KLHL1: variants seen among roughly 807,000 people sequenced by gnomAD.
KLHL1 encodes kelch like family member 1, also known as kelch-like protein 1.
KLHL1 carries 47 observed loss-of-function variants against 77.7 expected under a neutral mutation model. That is an observed-to-expected ratio of 0.60 (90% CI 0.48 to 0.77). The LOEUF is 0.77. KLHL1 is among the 30% of genes least tolerant of loss of function. KLHL1 has a pLI of 0.00. For missense variants in KLHL1, 925 were observed against 910.8 expected (o/e 1.02, Z -0.20); for synonymous variants, 360 against 325.2 (o/e 1.11, Z -1.15).
At chr13:69,917,102 A>G (rs916844834) in intron 4 of KLHL1, among the ~76,000 whole-genome samples, 8 of 152,042 alleles carry the variant, frequency 5.3e-5, no homozygotes, top group African/African-American at 1.9e-4. Flanking sequence ...ATGCATATAC[A>G]CACAGATTTG....
At chr13:69,842,467 A>C (rs1676016970) in intron 5 of KLHL1, among the ~76,000 whole-genome samples, 1 of 151,916 alleles carries the variant, frequency 6.6e-6, no homozygotes, top group African/African-American at 2.4e-5. Flanking sequence ...ATCATCAGAG[A>C]AATATAAATC....
intron 4 of KLHL1, among the ~76,000 whole-genome samples, chr13:69,909,017 C>A (rs561367809): frequency 6.7e-6 from 1 of 149,314 alleles, no homozygotes; most frequent in African/African-American, 2.4e-5. Flanking sequence ...ATGGCTTCAT[C>A]TAAATTAAAA....
At chr13:69,879,137 T>C (rs1880883748) in intron 5 of KLHL1, among the ~76,000 whole-genome samples, 1 of 152,124 alleles carries the variant, frequency 6.6e-6, no homozygotes, top group Non-Finnish European at 1.5e-5. Flanking sequence ...CACGCCAACA[T>C]GGCACATGTA....
intron 8 of KLHL1, among the ~76,000 whole-genome samples, chr13:69,739,117 A>G (rs1873880817): frequency 6.6e-6 from 1 of 152,162 alleles, no homozygotes; most frequent in Admixed American, 6.6e-5. Context: ...TAAAGACAAT[A>G]ATTTCCAACC....
chr13:69,875,857 T>C (rs184581525), intron 5 of KLHL1, among the ~76,000 whole-genome samples: 191 of 152,248 alleles, frequency 1.3e-3, no homozygotes, highest in African/African-American at 4.3e-3. Context: ...CCTATTCTTT[T>C]TTTTTTCTTA....
chr13:70,054,533 T>C (rs1001893198), intron 1 of KLHL1, among the ~76,000 whole-genome samples: 1 of 152,096 alleles, frequency 6.6e-6, no homozygotes, highest in Non-Finnish European at 1.5e-5. Context: ...ACAAATAATA[T>C]TGTCATGAAC....
intron 1 of KLHL1, among the ~76,000 whole-genome samples, chr13:70,105,063 C>T (rs956127728): frequency 4.6e-5 from 7 of 151,918 alleles, no homozygotes; most frequent in African/African-American, 1.7e-4. Context: ...GCTGATTTGT[C>T]TAGTAAGAAA....
chr13:70,075,044 G>T (rs1887228200), intron 1 of KLHL1, among the ~76,000 whole-genome samples: 1 of 152,084 alleles, frequency 6.6e-6, no homozygotes, highest in East Asian at 1.9e-4. Flanking sequence ...ACTGACAAAA[G>T]TCAGATTAAT....
intron 1 of KLHL1, among the ~76,000 whole-genome samples, chr13:70,000,025 T>A (rs1294883217): frequency 6.6e-6 from 1 of 152,000 alleles, no homozygotes; most frequent in Non-Finnish European, 1.5e-5. Context: ...GCCATCCTTA[T>A]AATAATGTGT....
At chr13:69,824,177 A>G (rs1405181075) in intron 6 of KLHL1, among the ~76,000 whole-genome samples, 2 of 152,082 alleles carry the variant, frequency 1.3e-5, no homozygotes, top group South Asian at 2.1e-4. Context: ...AATACATCCT[A>G]TAATTCTGGT....
chr13:69,733,888 A>G (rs1195555286), intron 8 of KLHL1, among the ~76,000 whole-genome samples: 1 of 152,200 alleles, frequency 6.6e-6, no homozygotes, highest in Non-Finnish European at 1.5e-5. Context: ...AAAGATATAC[A>G]TAAGAATATT....
At chr13:69,719,794 A>G (rs183664137) in intron 8 of KLHL1, among the ~76,000 whole-genome samples, 91 of 152,136 alleles carry the variant, frequency 6.0e-4, no homozygotes, top group African/African-American at 2.1e-3. Flanking sequence ...ACTAGATGAA[A>G]TTAAGACAAC....
At chr13:69,721,919 G>T (rs1005041415) in intron 8 of KLHL1, among the ~76,000 whole-genome samples, 2 of 151,958 alleles carry the variant, frequency 1.3e-5, no homozygotes, top group Non-Finnish European at 2.9e-5. Context: ...ACCCAGAAGT[G>T]AAATAATCAT....
chr13:69,900,629 A>T (rs538888335), intron 4 of KLHL1, among the ~76,000 whole-genome samples: 29 of 152,316 alleles, frequency 1.9e-4, no homozygotes, highest in Middle Eastern at 3.4e-3. Flanking sequence ...AGGATCCAGA[A>T]TATAAACCAG....
At position 69,993,940 on chromosome 13, in the gene KLHL1, G is replaced by T. The variant is rs150060356; in HGVS notation, c.498-18138C>A. Among the ~76,000 whole-genome samples the T allele has an allele frequency of 1.3e-3, 203 of 152,160 alleles. 1 individual carries two copies. Among genetic ancestry groups the T allele is most frequent in the Non-Finnish European group, 2.3e-3 (156 of 68,000 alleles). ...TCAAAATATCCAGAGTAGAGACATGGAATATAGAGCTGATAAAGGACAAAG... is the reference window on the plus strand; with the variant it reads ...TCAAAATATCCAGAGTAGAGACATGTAATATAGAGCTGATAAAGGACAAAG... On this transcript the variant is annotated intron_variant, in intron 1 of 10. Transcript: ENST00000377844.
intron 1 of KLHL1, among the ~76,000 whole-genome samples, chr13:70,048,672 C>T (rs1886556748): frequency 6.6e-6 from 1 of 152,156 alleles, no homozygotes; most frequent in African/African-American, 2.4e-5. Context: ...AATAGGGTTC[C>T]CCCTTCTGTG....
chr13:69,972,621 C>T (rs1175450991), intron 2 of KLHL1, among the ~76,000 whole-genome samples: 3 of 151,870 alleles, frequency 2.0e-5, no homozygotes, highest in African/African-American at 7.2e-5. Flanking sequence ...TATCCTTCAA[C>T]ACTGTTTCGA....
rs757814028 is a variant in KLHL1, at chr13:70,107,777, C to A, written c.-78G>T. The A allele has an allele frequency of 2.2e-4, 252 of 1,162,278 alleles. 1 individual carries two copies. Among genetic ancestry groups the A allele is most frequent in the Non-Finnish European group, 2.8e-4 (238 of 849,808 alleles). The allele number at this position is 1,162,278 out of a possible 1,614,324, so 72.0% of individuals were successfully genotyped here. On this transcript the variant is annotated 5_prime_UTR_variant, in exon 1 of 11. Transcript: ENST00000377844. ...CAGCAGGTGGGGGAGGACAGCGGGG[C>A]CCGGGGGCGGAGGAAGAGGCGGGAT... is the stretch of plus-strand genomic sequence containing the variant.
intron 4 of KLHL1, among the ~76,000 whole-genome samples, chr13:69,919,100 T>A (rs1048641837): frequency 2.6e-5 from 4 of 152,196 alleles, no homozygotes; most frequent in Non-Finnish European, 5.9e-5. Context: ...ATGGTCTAAT[T>A]CGGCATTTTG....
Sources: allele counts gnomAD v4.1 joint callset (sites outside exome capture counted in the v4.1 genomes callset), GRCh38; gene constraint gnomAD v4.1.1; transcripts MANE v1.5; gene names NCBI Gene and HGNC (gene_info 2026-07-23, HGNC 2026-07-21).